The following CAMK1D variants were observed in gnomAD, a reference collection of about 807,000 sequenced individuals.
CAMK1D encodes calcium/calmodulin dependent protein kinase ID, also known as calcium/calmodulin-dependent protein kinase type 1D.
A neutral mutation model predicts 47.7 loss-of-function variants in CAMK1D; 9 were observed. That is an observed-to-expected ratio of 0.19 (90% CI 0.11 to 0.33). The LOEUF is 0.33. CAMK1D is among the 10% of genes least tolerant of loss of function. The pLI is 1.00. For missense variants in CAMK1D, 291 were observed against 488.7 expected (o/e 0.60, Z 3.81); for synonymous variants, 184 against 184.9 (o/e 0.99, Z 0.04).
chr10:12,782,922 G>C (rs998856272), intron 5 of CAMK1D, among the ~76,000 whole-genome samples: 1 of 151,932 alleles, frequency 6.6e-6, no homozygotes, highest in African/African-American at 2.4e-5. Context: ...CCTGTCCTCT[G>C]ATTCCATGCT....
At chr10:12,581,131 A>G (rs1837651268) in intron 2 of CAMK1D, among the ~76,000 whole-genome samples, 1 of 152,138 alleles carries the variant, frequency 6.6e-6, no homozygotes, top group Non-Finnish European at 1.5e-5. Context: ...GAGTGAGAAC[A>G]TACGATGTTT....
At chr10:12,365,128 G>GT (rs1837792924) in intron 1 of CAMK1D, among the ~76,000 whole-genome samples, 1 of 151,498 alleles carries the variant, frequency 6.6e-6, no homozygotes, top group African/African-American at 2.4e-5. Context: ...GGCTAATTTT[G>GT]TATGTTCAAT....
intron 1 of CAMK1D, among the ~76,000 whole-genome samples, chr10:12,408,136 G>A (rs1271286853): frequency 6.6e-6 from 1 of 151,510 alleles, no homozygotes; most frequent in Non-Finnish European, 1.5e-5. Context: ...GGGATTACAG[G>A]CATAAGCCAC....
chr10:12,601,505 C>A (rs1564438294), intron 2 of CAMK1D, among the ~76,000 whole-genome samples: 1 of 152,228 alleles, frequency 6.6e-6, no homozygotes, highest in East Asian at 1.9e-4. Flanking sequence ...GCTCTATTGT[C>A]CAGGCTGGAG....
rs1833438224 is a variant in CAMK1D at position 12,832,628 on chromosome 10, T to C, written c.*3741T>C. Reference sequence around the variant, plus strand: ...CTATGGCAAAGCGTGCCATACAAAGTTAAAAAAAGGAAGAGTGGCTTTGCG... The same window carrying C: ...CTATGGCAAAGCGTGCCATACAAAGCTAAAAAAAGGAAGAGTGGCTTTGCG... On this transcript the variant is annotated 3_prime_UTR_variant, in exon 11 of 11. Transcript: ENST00000619168. 6.6e-6 allele frequency: 1 copy of C among 152,082 alleles called. No homozygotes were observed. Among genetic ancestry groups the C allele is most frequent in the African/African-American group, 2.4e-5 (1 of 41,418 alleles). 9.4% of individuals were successfully genotyped at this position (152,082 alleles called of 1,614,324 possible). A position where few individuals can be genotyped will look rare whatever the true frequency, so the allele number is the denominator to read the frequency against.
chr10:12,833,349 G>A lies in CAMK1D; in HGVS notation c.*4462G>A, dbSNP rs1232807861. On this transcript the variant is annotated 3_prime_UTR_variant, in exon 11 of 11. Transcript: ENST00000619168. ...CCCAGGTGATCCCCTTTGGAAAGTG[G>A]ATTGATCCTCTCCCCTGTGGAATGA... 6.6e-6 allele frequency: 1 copy of A among 152,350 alleles called. No homozygotes were observed. The highest frequency in any genetic ancestry group is 1.5e-5 in the Non-Finnish European group (1 of 68,126). 9.4% of individuals were successfully genotyped at this position (152,350 alleles called of 1,614,324 possible). A position where few individuals can be genotyped will look rare whatever the true frequency, so the allele number is the denominator to read the frequency against.
intron 3 of CAMK1D, among the ~76,000 whole-genome samples, chr10:12,683,797 C>G (rs980976200): frequency 3.4e-5 from 5 of 147,598 alleles, no homozygotes. Context: ...ATGGACTAAT[C>G]TATAAGTACA....
At chr10:12,641,566 C>A (rs956728661) in intron 2 of CAMK1D, among the ~76,000 whole-genome samples, 1 of 151,492 alleles carries the variant, frequency 6.6e-6, no homozygotes, top group Non-Finnish European at 1.5e-5. Flanking sequence ...CTGCAGTGAG[C>A]CATGGTCTCA....
intron 1 of CAMK1D, among the ~76,000 whole-genome samples, chr10:12,503,127 T>TAC (rs1176402002): frequency 6.6e-6 from 1 of 152,248 alleles, no homozygotes; most frequent in Admixed American, 6.5e-5. Context: ...TGTACACATA[T>TAC]ACATGTGCAC....
chr10:12,666,900 G>C (rs1840449639), intron 3 of CAMK1D, 90 bp downstream of exon 3: 1 of 1,092,248 alleles, frequency 9.2e-7, no homozygotes, highest in African/African-American at 1.6e-5. Flanking sequence ...TGATTGAAGT[G>C]GGCCAGGTAA....
intron 1 of CAMK1D, among the ~76,000 whole-genome samples, chr10:12,453,831 T>A (rs977158843): frequency 2.6e-5 from 4 of 152,218 alleles, no homozygotes; most frequent in African/African-American, 9.6e-5. Context: ...TTGTTAATTT[T>A]TATGCACAAT....
intron 3 of CAMK1D, among the ~76,000 whole-genome samples, chr10:12,672,996 A>T (rs1026782067): frequency 6.7e-6 from 1 of 148,350 alleles, no homozygotes; most frequent in Admixed American, 6.8e-5. Flanking sequence ...TCCCGGGTTC[A>T]AGCAATTCTT....
chr10:12,442,674 C>CAA (rs1390804573), intron 1 of CAMK1D, among the ~76,000 whole-genome samples: 11 of 152,116 alleles, frequency 7.2e-5, no homozygotes, highest in African/African-American at 2.7e-4. Context: ...TTCCTGAGTC[C>CAA]AAAGTCATCC....
At chr10:12,659,928 T>A (rs2132533968) in intron 2 of CAMK1D, among the ~76,000 whole-genome samples, 1 of 152,320 alleles carries the variant, frequency 6.6e-6, no homozygotes, top group South Asian at 2.1e-4. Context: ...TGATTGCGGC[T>A]CGTTGACGTA....
At chr10:12,376,162 C>CAAAAAAA (rs59804213) in intron 1 of CAMK1D, among the ~76,000 whole-genome samples, 2 of 59,986 alleles carry the variant, frequency 3.3e-5, no homozygotes, top group Non-Finnish European at 5.5e-5. Flanking sequence ...GACTCTGTCC[C>CAAAAAAA]AAAAAAAAAA....
intron 3 of CAMK1D, among the ~76,000 whole-genome samples, chr10:12,745,865 A>C (rs933036971): frequency 3.3e-5 from 5 of 152,070 alleles, no homozygotes; most frequent in African/African-American, 1.2e-4. Context: ...CGGCCCCCCA[A>C]AGTGCTGGGA....
chr10:12,602,973 C>T (rs558920135), intron 2 of CAMK1D, among the ~76,000 whole-genome samples: 3 of 150,528 alleles, frequency 2.0e-5, no homozygotes, highest in Non-Finnish European at 3.0e-5. Flanking sequence ...TATAGTGGTG[C>T]GATCTTGGCT....
intron 8 of CAMK1D, among the ~76,000 whole-genome samples, chr10:12,818,248 G>A (rs1832880641): frequency 6.6e-6 from 1 of 152,172 alleles, no homozygotes; most frequent in South Asian, 2.1e-4. Context: ...CAGTATTTCA[G>A]TGTATAACAC....
At chr10:12,718,400 T>C (rs1025805414) in intron 3 of CAMK1D, among the ~76,000 whole-genome samples, 7 of 152,222 alleles carry the variant, frequency 4.6e-5, no homozygotes, top group African/African-American at 1.7e-4. Flanking sequence ...AAGTTTCTCG[T>C]CAACTCTGGT....
Sources: allele counts gnomAD v4.1 joint callset (sites outside exome capture counted in the v4.1 genomes callset), GRCh38; gene constraint gnomAD v4.1.1; transcripts MANE v1.5; gene names NCBI Gene and HGNC (gene_info 2026-07-23, HGNC 2026-07-21).